PDE4D: variants seen among roughly 807,000 people sequenced by gnomAD.
PDE4D encodes the protein phosphodiesterase 4D, also known as 3',5'-cyclic-AMP phosphodiesterase 4D.
A neutral mutation model predicts 87.4 loss-of-function variants in PDE4D; 24 were observed. That is an observed-to-expected ratio of 0.27 (90% CI 0.20 to 0.39). The LOEUF (loss-of-function observed/expected upper bound fraction) is 0.39. PDE4D is among the 10% of genes least tolerant of loss of function. PDE4D has a pLI of 1.00. For missense variants in PDE4D, 714 were observed against 1,041.0 expected, an observed-to-expected ratio of 0.69 and a Z score of 4.32; for synonymous variants, 384 against 383.2, an observed-to-expected ratio of 1.00 and a Z score of -0.02.
intron 5 of PDE4D, among the ~76,000 whole-genome samples, chr5:59,085,666 C>A (rs1767544316): frequency 1.3e-5 from 2 of 152,144 alleles, no homozygotes; most frequent in African/African-American, 4.8e-5. Context: ...TGCGGATACC[C>A]TGGAGATGTA....
intron 5 of PDE4D, among the ~76,000 whole-genome samples, chr5:59,124,579 C>G (rs1195226927): frequency 6.6e-6 from 1 of 152,190 alleles, no homozygotes; most frequent in Non-Finnish European, 1.5e-5. Flanking sequence ...TACTGCTGAT[C>G]TATCGCTACC....
chr5:59,040,778 C>CT (rs909899913), intron 5 of PDE4D, among the ~76,000 whole-genome samples: 5 of 152,308 alleles, frequency 3.3e-5, no homozygotes, highest in African/African-American at 9.6e-5. Context: ...GATCCCTTGT[C>CT]TTTGTCTTTG....
chr5:59,239,970 C>A (rs1219043260), intron 1 of PDE4D, among the ~76,000 whole-genome samples: 1 of 151,966 alleles, frequency 6.6e-6, no homozygotes, highest in Non-Finnish European at 1.5e-5. Flanking sequence ...TTCTTCTTTC[C>A]CCTTTGAATA....
chr5:60,265,069 G>A (rs1306213208), intron 1 of PDE4D, among the ~76,000 whole-genome samples: 2 of 152,196 alleles, frequency 1.3e-5, no homozygotes, highest in African/African-American at 4.8e-5. Context: ...GGCTAGAAAA[G>A]CTGAATGCAG....
intron 1 of PDE4D, among the ~76,000 whole-genome samples, chr5:59,716,973 G>A (rs1445308272): frequency 6.6e-6 from 1 of 152,216 alleles, no homozygotes; most frequent in Non-Finnish European, 1.5e-5. Flanking sequence ...TGTCATGGAT[G>A]CAAGCATGTT....
chr5:59,308,731 G>A (rs749051903), intron 1 of PDE4D, among the ~76,000 whole-genome samples: 21 of 152,114 alleles, frequency 1.4e-4, no homozygotes, highest in Middle Eastern at 6.8e-3. Flanking sequence ...TTTTTGTGCT[G>A]GCTGGTCTCC....
At chr5:59,031,362 G>GATATATAT (rs137969980) in intron 6 of PDE4D, among the ~76,000 whole-genome samples, 7 of 111,868 alleles carry the variant, frequency 6.3e-5, no homozygotes, top group Non-Finnish European at 1.0e-4. Context: ...AAGAAAATGT[G>GATATATAT]ATATATATAT....
intron 1 of PDE4D, among the ~76,000 whole-genome samples, chr5:60,415,239 C>T (rs942374091): frequency 6.6e-6 from 1 of 152,270 alleles, no homozygotes; most frequent in Non-Finnish European, 1.5e-5. Flanking sequence ...TGTACCCCAT[C>T]CAGACCTGGT....
intron 2 of PDE4D, chr5:60,032,698 C>A (rs915053186): frequency 6.6e-6 from 1 of 152,076 alleles, no homozygotes; most frequent in African/African-American, 2.4e-5. Flanking sequence ...AATGAGGTAA[C>A]ATGTGAAGCA....
intron 2 of PDE4D, among the ~76,000 whole-genome samples, chr5:60,070,102 T>G (rs554060757): frequency 6.6e-6 from 1 of 152,156 alleles, no homozygotes; most frequent in African/African-American, 2.4e-5. Flanking sequence ...GTTTTCTCTA[T>G]ATATAGGATC....
intron 1 of PDE4D, among the ~76,000 whole-genome samples, chr5:59,341,541 C>T (rs1561993864): frequency 6.6e-6 from 1 of 152,168 alleles, no homozygotes; most frequent in Non-Finnish European, 1.5e-5. Flanking sequence ...GTGTACTTGA[C>T]ACTTGGCTAG....
intron 1 of PDE4D, among the ~76,000 whole-genome samples, chr5:60,459,200 G>A (rs1386332646): frequency 1.3e-5 from 2 of 152,014 alleles, no homozygotes; most frequent in South Asian, 2.1e-4. Context: ...CCTTTGAGTG[G>A]CAGGGCTCAA....
intron 1 of PDE4D, among the ~76,000 whole-genome samples, chr5:60,360,126 T>A (rs1385354395): frequency 6.6e-6 from 1 of 152,144 alleles, no homozygotes; most frequent in Non-Finnish European, 1.5e-5. Flanking sequence ...GGGCACAAGG[T>A]CTCCTCTATC....
chr5:60,379,010 C>A (rs1003906123), intron 1 of PDE4D, among the ~76,000 whole-genome samples: 1 of 152,100 alleles, frequency 6.6e-6, no homozygotes, highest in African/African-American at 2.4e-5. Context: ...CACTGAAGCA[C>A]CTCCCAGGCA....
chr5:60,513,555 G>A (rs1279003889), intron 1 of PDE4D, among the ~76,000 whole-genome samples: 1 of 152,008 alleles, frequency 6.6e-6, no homozygotes, highest in Non-Finnish European at 1.5e-5. Context: ...GAGAAAATGG[G>A]AACAACATGA....
rs192222163 is a variant in PDE4D, at chr5:59,554,029, C to T, written c.456-338061G>A. ...ACATTAGCTTTCTTCCTCAGGGCAG[C>T]CCTAAGGAAAAAGAGCAAAGGAGGG... On this transcript the variant is annotated intron_variant, in intron 1 of 14. Coordinates refer to ENST00000340635, the MANE Select transcript of PDE4D (RefSeq NM_001104631.2). 3.3e-5 allele frequency among the ~76,000 whole-genome samples: 5 copies of T among 152,160 alleles called. No individual in the cohort carries two copies. The East Asian group carries it at 7.7e-4, about 24-fold the overall frequency.
chr5:59,710,391 C>A (rs1754039080), intron 1 of PDE4D, among the ~76,000 whole-genome samples: 1 of 152,050 alleles, frequency 6.6e-6, no homozygotes, highest in African/African-American at 2.4e-5. Flanking sequence ...TATTCTTTAT[C>A]CAAAATGTAA....
At chr5:60,102,553 C>T (rs565807871) in intron 2 of PDE4D, among the ~76,000 whole-genome samples, 6 of 152,158 alleles carry the variant, frequency 3.9e-5, no homozygotes, top group Admixed American at 1.3e-4. Flanking sequence ...ATGACTGTCA[C>T]GTTTTGAAGA....
chr5:59,152,867 C>A (rs1292606976), intron 5 of PDE4D, among the ~76,000 whole-genome samples: 1 of 151,926 alleles, frequency 6.6e-6, no homozygotes, highest in African/African-American at 2.4e-5. Flanking sequence ...GCTCTCAGTT[C>A]AAGACCATAA....
Sources: gnomAD v4.1 joint callset for allele counts (sites outside exome capture counted in the v4.1 genomes callset) on GRCh38, gnomAD v4.1.1 for gene constraint, MANE v1.5 for transcripts, NCBI Gene and HGNC (gene_info 2026-07-23, HGNC 2026-07-21) for gene names.